Variants in CYP4V2 observed in about 807,000 individuals in gnomAD.
CYP4V2 encodes cytochrome P450 4V2.
Under a neutral mutation model 60.8 loss-of-function variants are expected in CYP4V2, and 55 were observed. The observed-to-expected ratio is 0.90, with a 90% CI of 0.73 to 1.13. CYP4V2 has a LOEUF of 1.13. Among genes scored for constraint, CYP4V2 ranks in the 50% most tolerant of loss-of-function variants. CYP4V2 has a pLI of 0.00. For synonymous variants in CYP4V2, 239 were observed against 236.8 expected (o/e 1.01, Z -0.08); for missense variants, 675 against 662.9 (o/e 1.02, Z -0.20).
At position 186,194,627 on chromosome 4, in the gene CYP4V2, A is replaced by G. The variant is rs185497433; in HGVS notation, c.327+15A>G. ...AAAATGTGGAGGTGGGTACATGTGA[A>G]TATGATCAGTATTGTACTGTGTATC... On this transcript the variant is annotated intron_variant, in intron 2 of 10. Coordinates refer to ENST00000378802, the MANE Select transcript of CYP4V2 (RefSeq NM_207352.4). 9 of 1,588,166 alleles carry G rather than the reference A, an allele frequency of 5.7e-6. No homozygotes were observed. Among genetic ancestry groups the G allele is most frequent in the Non-Finnish European group, 7.8e-6 (9 of 1,156,644 alleles).
Position 186,191,937 on chromosome 4 carries a change from G to A in CYP4V2, c.114G>A (p.Ala38=), listed in dbSNP as rs1202662947. The A allele has an allele frequency of 1.3e-6, 2 of 1,592,106 alleles. No homozygotes were observed. The highest frequency in any genetic ancestry group is 1.1e-5 in the South Asian group (1 of 88,294). Residue 38 remains alanine, a synonymous_variant, in exon 1 of 11, where the codon GCG becomes GCA. Transcript: ENST00000378802. The part of the protein sequence containing the change: ...SLVLSLLQRV[A]SYARKWQQMR... The stretch of plus-strand genomic sequence containing the variant: ...TCCTGAGCCTGCTGCAGAGGGTGGC[G>A]AGCTACGCGCGGAAATGGCAGCAGA...
chr4:186,201,674 A>C, intron 7 of CYP4V2: 1 of 271,504 alleles, frequency 3.7e-6, no homozygotes, highest in South Asian at 3.8e-5. Flanking sequence ...CTAACCTCCC[A>C]GACATGCAAG....
rs770610205 is a variant in CYP4V2 at position 186,194,645 on chromosome 4, T to C, written c.327+33T>C. 1.1e-5 allele frequency: 17 copies of C among 1,542,322 alleles called. No individual in the cohort carries two copies. In the Admixed American group the frequency reaches 2.0e-4, roughly 18 times the overall value. On this transcript the variant is annotated intron_variant, in intron 2 of 10. Transcript: ENST00000378802. Reference sequence around the variant, plus strand: ...CATGTGAATATGATCAGTATTGTACTGTGTATCTGACAGTGTGAGAATCTC... The same window carrying C: ...CATGTGAATATGATCAGTATTGTACCGTGTATCTGACAGTGTGAGAATCTC...
chr4:186,205,314 C>G lies in CYP4V2; in HGVS notation c.1090+12C>G, dbSNP rs1239444262. The G allele has an allele frequency of 6.2e-7, 1 of 1,610,330 alleles. No homozygotes were observed. The highest frequency in any genetic ancestry group is 1.1e-5 in the South Asian group (1 of 91,008). On this transcript the variant is annotated intron_variant, in intron 8 of 10. Coordinates refer to ENST00000378802, the MANE Select transcript of CYP4V2 (RefSeq NM_207352.4). The stretch of plus-strand genomic sequence containing the variant: ...GGATGACGTGTTTGGTATGTTTGGC[C>G]CCTTCACTGGTTATATTGTGGTACT...
chr4:186,194,502 T>G lies in CYP4V2; in HGVS notation c.217T>G (p.Phe73Val), dbSNP rs751069999. The change falls in exon 2 of 11, where the codon TTT becomes GTT. Residue 73 changes from phenylalanine to valine, a missense_variant and splice_region_variant. By Grantham distance (50) the Phe-to-Val change is conservative. Transcript: ENST00000378802. ...TCAAATTTGATGTTTTTCCCCAGAA[T>G]TTTTTCAGCAGATCATTGAGTACAC... ...ALLMKPDGRE[F>V]FQQIIEYTEE... 8 of 1,613,780 alleles carry G rather than the reference T, an allele frequency of 5.0e-6. No homozygotes were observed. The Admixed American group carries it at 1.2e-4, about 24-fold the overall frequency.
chr4:186,192,266 T>C (rs1417259716), intron 1 of CYP4V2: 1 of 708,920 alleles, frequency 1.4e-6, no homozygotes, highest in Non-Finnish European at 2.6e-6. Flanking sequence ...GGATGCGGTA[T>C]TTCCAAACCC....
At chr4:186,201,396 G>C (rs1736303547) in intron 7 of CYP4V2, 54 bp downstream of exon 7, 2 of 1,577,060 alleles carry the variant, frequency 1.3e-6, no homozygotes, top group African/African-American at 1.3e-5. Context: ...GTTATTGTTA[G>C]AATCTTTAGC....
rs1313896066 is a variant in CYP4V2 at position 186,213,058 on chromosome 4, TG to T, written c.*2418del. 6.6e-6 allele frequency: 1 copy of T among 152,264 alleles called. No individual in the cohort carries two copies. The highest frequency in any genetic ancestry group is 1.9e-4 in the East Asian group (1 of 5,204). The allele number at this position is 152,264 out of a possible 1,614,324, so 9.4% of individuals were successfully genotyped here. A position where few individuals can be genotyped will look rare whatever the true frequency, so the allele number is the denominator to read the frequency against. ...GCACTTACATTTATCCCTTACATTT[TG>T]TTTTTAGTGACCCTACATGACATTA... On this transcript the variant is annotated 3_prime_UTR_variant, in exon 11 of 11. Transcript: ENST00000378802.
intron 5 of CYP4V2, 61 bp from the exon 6 acceptor site, chr4:186,198,896 A>T (rs1332435028): frequency 6.2e-7 from 1 of 1,611,890 alleles, no homozygotes; most frequent in Non-Finnish European, 8.5e-7. Flanking sequence ...GGTACTAAAG[A>T]AGTGCTCAAG....
In CYP4V2 at chr4:186,210,759, C is replaced by T. The variant is rs1736691516; in HGVS notation, c.*118C>T. The T allele has an allele frequency of 5.6e-6, 7 of 1,249,070 alleles. No homozygotes were observed. In the African/African-American group the frequency reaches 6.0e-5, roughly 11 times the overall value. 77.4% of individuals were successfully genotyped at this position (1,249,070 alleles called of 1,614,324 possible). ...CTTGAATCCCCTAGACCTAATTTTT[C>T]CTTGATCCCACTGATCTTGACATCA... On this transcript the variant is annotated 3_prime_UTR_variant, in exon 11 of 11. Coordinates refer to ENST00000378802, the MANE Select transcript of CYP4V2 (RefSeq NM_207352.4).
Position 186,191,908 on chromosome 4 carries a change from C to G in CYP4V2, c.85C>G (p.Leu29Val). 3.1e-6 allele frequency: 5 copies of G among 1,593,824 alleles called. No individual in the cohort carries two copies. Among genetic ancestry groups the G allele is most frequent in the Non-Finnish European group, 4.3e-6 (5 of 1,173,684 alleles). ...ASALSLAGAS[L>V]VLSLLQRVAS... ...TGCCCTTTCCCTGGCCGGCGCCAGT[C>G]TGGTCCTGAGCCTGCTGCAGAGGGT... Residue 29 changes from leucine (L) to valine (V), a missense_variant, in exon 1 of 11, where the codon CTG (leucine) becomes GTG (valine). By Grantham distance (32) the Leu-to-Val change is conservative (BLOSUM62 1). Transcript: ENST00000378802.
chr4:186,191,762 G>A lies in CYP4V2; in HGVS notation c.-62G>A. ...GGCGGTGTGCGGCCGGCACCGCCTCGCACCACGCCCCCGCGGGCCCGCACT... is the reference window on the plus strand; with the variant it reads ...GGCGGTGTGCGGCCGGCACCGCCTCACACCACGCCCCCGCGGGCCCGCACT... On this transcript the variant is annotated 5_prime_UTR_variant, in exon 1 of 11. Transcript: ENST00000378802. The A allele has an allele frequency of 1.5e-6, 2 of 1,366,998 alleles. No individual in the cohort carries two copies. Among genetic ancestry groups the A allele is most frequent in the Non-Finnish European group, 1.9e-6 (2 of 1,063,432 alleles). 84.7% of individuals were successfully genotyped at this position (1,366,998 alleles called of 1,614,324 possible). A position where few individuals can be genotyped will look rare whatever the true frequency, so the allele number is the denominator to read the frequency against.
chr4:186,198,490 A>G (rs994090777), intron 5 of CYP4V2, among the ~76,000 whole-genome samples: 5 of 152,244 alleles, frequency 3.3e-5, no homozygotes, highest in Non-Finnish European at 7.3e-5. Context: ...CTATGGCTGG[A>G]CATGAAAGGG....
intron 1 of CYP4V2, among the ~76,000 whole-genome samples, chr4:186,194,038 A>G (rs1736069926): frequency 6.6e-6 from 1 of 152,220 alleles, no homozygotes; most frequent in African/African-American, 2.4e-5. Context: ...TGCATGACGC[A>G]GGATGATTGA....
At chr4:186,196,561 T>G in intron 3 of CYP4V2, 1 of 293,800 alleles carries the variant, frequency 3.4e-6, no homozygotes, top group South Asian at 4.0e-5. Context: ...AGGGGAGAGA[T>G]CAAGGTAGAA....
chr4:186,199,186 G>A (rs967091230), intron 6 of CYP4V2, 103 bp downstream of exon 6: 16 of 1,243,576 alleles, frequency 1.3e-5, no homozygotes, highest in African/African-American at 1.2e-4. Flanking sequence ...GTGCATTCAC[G>A]ATGTTGTGCA....
In CYP4V2 at chr4:186,205,199, G is replaced by A. The variant is rs1013053543; in HGVS notation, c.988-1G>A. ...TAAGCTATTGTTTTCTGCATTTGTA[G>A]GGGCACGATACAACTGCAGCTGCAA... On this transcript the variant is annotated splice_acceptor_variant, in intron 7 of 10. Transcript: ENST00000378802. LOFTEE classifies it high-confidence loss of function. 2.5e-6 allele frequency: 4 copies of A among 1,613,976 alleles called. No homozygotes were observed. In the African/African-American group the frequency reaches 5.3e-5, roughly 22 times the overall value.
At chr4:186,208,330 C>T (rs200153448) in intron 8 of CYP4V2, among the ~76,000 whole-genome samples, 1 of 146,822 alleles carries the variant, frequency 6.8e-6, no homozygotes, top group African/African-American at 2.5e-5. Flanking sequence ...ATTTAGCATC[C>T]AGTACCTTGA....
At chr4:186,209,820 A>T (rs1158908179) in intron 10 of CYP4V2, among the ~76,000 whole-genome samples, 1 of 152,260 alleles carries the variant, frequency 6.6e-6, no homozygotes, top group African/African-American at 2.4e-5. Flanking sequence ...ATTACCCATA[A>T]CATAAAACAT....
Sources: gnomAD v4.1 joint callset for allele counts (sites outside exome capture counted in the v4.1 genomes callset) on GRCh38, gnomAD v4.1.1 for gene constraint, MANE v1.5 for transcripts, NCBI Gene and HGNC (gene_info 2026-07-23, HGNC 2026-07-21) for gene names.